The following TSHZ2 variants were observed in gnomAD, a reference collection of about 807,000 sequenced individuals.
TSHZ2 encodes teashirt homolog 2.
TSHZ2 carries 21 observed loss-of-function variants against 74.4 expected under a neutral mutation model. The observed-to-expected ratio is 0.28, with a 90% CI of 0.20 to 0.41. The LOEUF (loss-of-function observed/expected upper bound fraction) is 0.41. Among genes scored for constraint, TSHZ2 ranks in the 10% least tolerant of loss-of-function variants. The pLI is 1.00. For missense variants in TSHZ2, 1,244 were observed against 1,293.5 expected, an observed-to-expected ratio of 0.96 and a Z score of 0.59; for synonymous variants, 540 against 515.3, an observed-to-expected ratio of 1.05 and a Z score of -0.65.
intron 1 of TSHZ2, among the ~76,000 whole-genome samples, chr20:53,099,500 A>T (rs1986153365): frequency 6.6e-6 from 1 of 152,222 alleles, no homozygotes; most frequent in Non-Finnish European, 1.5e-5. Context: ...CTGCCTGAAC[A>T]TATCATGCAC....
chr20:53,148,921 G>A (rs1987609429), intron 1 of TSHZ2, among the ~76,000 whole-genome samples: 1 of 152,162 alleles, frequency 6.6e-6, no homozygotes, highest in South Asian at 2.1e-4. Flanking sequence ...CACAGAGCAG[G>A]AATCAACCTT....
chr20:53,337,451 T>C (rs1979997231), intron 2 of TSHZ2, among the ~76,000 whole-genome samples: 1 of 152,218 alleles, frequency 6.6e-6, no homozygotes, highest in African/African-American at 2.4e-5. Context: ...ATTCTCTGTA[T>C]GTTTCATTGG....
chr20:53,452,097 C>T (rs1984810557), intron 2 of TSHZ2, among the ~76,000 whole-genome samples: 1 of 152,212 alleles, frequency 6.6e-6, no homozygotes, highest in Non-Finnish European at 1.5e-5. Flanking sequence ...TCAGTAACCC[C>T]AGATGACTAA....
At chr20:53,307,482 G>A (rs941849732) in intron 2 of TSHZ2, among the ~76,000 whole-genome samples, 12 of 152,086 alleles carry the variant, frequency 7.9e-5, no homozygotes, top group Non-Finnish European at 7.4e-5. Context: ...CCTTCTCCAG[G>A]CCATTAGAAC....
Position 53,475,688 on chromosome 20 carries a change from A to T in TSHZ2, c.*9-11456A>T, listed in dbSNP as rs1293431930. ...CAGAACTGAAGGAAATAGAGACACAAAAAACCCTTCAAAAAATTAATGAAT... is the reference window on the plus strand; with the variant it reads ...CAGAACTGAAGGAAATAGAGACACATAAAACCCTTCAAAAAATTAATGAAT... On this transcript the variant is annotated intron_variant, in intron 2 of 2. Coordinates refer to ENST00000371497, the MANE Select transcript of TSHZ2 (RefSeq NM_173485.6). Among the ~76,000 whole-genome samples, 10 of 138,368 alleles carry T rather than the reference A, an allele frequency of 7.2e-5. 2 individuals carry two copies. Among genetic ancestry groups the T allele is most frequent in the Non-Finnish European group, 1.1e-4 (7 of 64,742 alleles). The allele number at this position is 138,368 out of a possible 152,430, so 90.8% of individuals were successfully genotyped here.
At chr20:53,099,647 G>A (rs753890616) in intron 1 of TSHZ2, among the ~76,000 whole-genome samples, 56 of 152,198 alleles carry the variant, frequency 3.7e-4, no homozygotes, top group Non-Finnish European at 6.6e-4. Flanking sequence ...CAATCATGGC[G>A]GAAGGCGAAA....
chr20:53,195,472 CTG>C (rs924099789), intron 1 of TSHZ2, among the ~76,000 whole-genome samples: 3 of 152,146 alleles, frequency 2.0e-5, no homozygotes, highest in African/African-American at 4.8e-5. Context: ...ATCATCTAAA[CTG>C]TGTTTTCATA....
Position 53,187,160 on chromosome 20 carries a change from A to T in TSHZ2, c.41-66339A>T, listed in dbSNP as rs140290156. Among the ~76,000 whole-genome samples the T allele has an allele frequency of 2.4e-3, 370 of 152,314 alleles. 3 individuals are homozygous for T. The highest frequency in any genetic ancestry group is 8.0e-3 in the Admixed American group (123 of 15,304). On this transcript the variant is annotated intron_variant, in intron 1 of 2. Coordinates refer to ENST00000371497, the MANE Select transcript of TSHZ2 (RefSeq NM_173485.6). ...GACACTCGCCGCACGTCTGGGGGCT[A>T]CACATCGCTGGTGAAAAAATGTCAT...
intron 1 of TSHZ2, among the ~76,000 whole-genome samples, chr20:53,211,568 A>G (rs1989304348): frequency 6.6e-6 from 1 of 152,146 alleles, no homozygotes; most frequent in Non-Finnish European, 1.5e-5. Flanking sequence ...ATTTTTAGGT[A>G]TGAGCCACAC....
At chr20:53,180,056 A>T (rs1208820587) in intron 1 of TSHZ2, among the ~76,000 whole-genome samples, 1 of 152,240 alleles carries the variant, frequency 6.6e-6, no homozygotes, top group Non-Finnish European at 1.5e-5. Flanking sequence ...TAGAATGTCG[A>T]ACCATTTTGG....
chr20:53,017,362 C>A (rs1223933713), intron 1 of TSHZ2, among the ~76,000 whole-genome samples: 1 of 152,150 alleles, frequency 6.6e-6, no homozygotes, highest in Non-Finnish European at 1.5e-5. Flanking sequence ...TGTCTTTCTC[C>A]CTGAGGATCT....
At chr20:53,043,631 G>A (rs954449779) in intron 1 of TSHZ2, among the ~76,000 whole-genome samples, 3 of 152,030 alleles carry the variant, frequency 2.0e-5, no homozygotes, top group Admixed American at 2.0e-4. Context: ...TCAAATCAAA[G>A]TCACAACTTT....
chr20:53,254,154 G>A lies in TSHZ2; in HGVS notation c.696G>A (p.Val232=), dbSNP rs1328142203. The A allele has an allele frequency of 2.5e-6, 4 of 1,614,098 alleles. No homozygotes were observed. The Admixed American group carries it at 6.7e-5, about 27-fold the overall frequency. The change falls in exon 2 of 3, where the codon GTG becomes GTA. Residue 232 remains valine, a synonymous_variant. Transcript: ENST00000371497. Reference sequence around the variant, plus strand: ...ATGACACCCTAGTCGAGCTGACTGTGCACATGAATGAAACGGGCCACTATC... The same window carrying A: ...ATGACACCCTAGTCGAGCTGACTGTACACATGAATGAAACGGGCCACTATC... ...AAYDTLVELT[V]HMNETGHYQD... is the part of the protein sequence containing the mutation.
At chr20:53,320,108 T>C (rs529698628) in intron 2 of TSHZ2, among the ~76,000 whole-genome samples, 1 of 152,328 alleles carries the variant, frequency 6.6e-6, no homozygotes, top group South Asian at 2.1e-4. Flanking sequence ...ATCATCATCA[T>C]TATCATCGTT....
At chr20:53,485,036 G>T (rs6068563) in intron 2 of TSHZ2, among the ~76,000 whole-genome samples, 2 of 152,144 alleles carry the variant, frequency 1.3e-5, no homozygotes, top group Non-Finnish European at 2.9e-5. Flanking sequence ...TTGGGCTGAA[G>T]GAAATTGCAT....
intron 1 of TSHZ2, among the ~76,000 whole-genome samples, chr20:53,222,101 G>A (rs542595410): frequency 2.0e-5 from 3 of 152,138 alleles, no homozygotes; most frequent in African/African-American, 7.2e-5. Context: ...TAGGCTAAAA[G>A]ATATAAAAAG....
chr20:53,155,345 T>A (rs1203589827), intron 1 of TSHZ2, among the ~76,000 whole-genome samples: 1 of 152,078 alleles, frequency 6.6e-6, no homozygotes, highest in Non-Finnish European at 1.5e-5. Context: ...GACCTGAGAC[T>A]GGTGTCAGAA....
chr20:53,258,044 G>A (rs1371997464), intron 2 of TSHZ2, among the ~76,000 whole-genome samples: 3 of 152,164 alleles, frequency 2.0e-5, no homozygotes, highest in Non-Finnish European at 4.4e-5. Flanking sequence ...TAAAATATCT[G>A]ACCTGGGACT....
At chr20:53,460,307 A>G (rs1238052882) in intron 2 of TSHZ2, among the ~76,000 whole-genome samples, 3 of 151,930 alleles carry the variant, frequency 2.0e-5, no homozygotes, top group African/African-American at 2.4e-5. Context: ...TTCATCTTCC[A>G]TCGCTGATAC....
Sources: gnomAD v4.1 joint callset for allele counts (sites outside exome capture counted in the v4.1 genomes callset) on GRCh38, gnomAD v4.1.1 for gene constraint, MANE v1.5 for transcripts, NCBI Gene and HGNC (gene_info 2026-07-23, HGNC 2026-07-21) for gene names.